Variants in ATP9B observed in about 807,000 individuals in gnomAD.
The protein encoded by ATP9B is probable phospholipid-transporting ATPase IIB.
In ATP9B, 110 loss-of-function variants were observed where a neutral mutation model predicts 146.1. That is an observed-to-expected ratio of 0.75 (90% confidence interval 0.65 to 0.88). ATP9B has a LOEUF of 0.88. ATP9B is among the 40% of genes least tolerant of loss of function. The pLI is 0.00. For missense variants in ATP9B, 1,499 were observed against 1,496.4 expected (o/e 1.00, Z -0.03); for synonymous variants, 604 against 569.7 (o/e 1.06, Z -0.86).
chr18:79,096,702 GTTAGCTTCTAATATACTTA>G, intron 2 of ATP9B, 53 bp downstream of exon 2: 1 of 1,422,568 alleles, frequency 7.0e-7, no homozygotes, highest in Non-Finnish European at 9.6e-7. Context: ...TACTTATAAG[GTTAGCTTCTAATATACTTA>G]TTAGCTATAT....
chr18:79,218,066 T>A (rs2095644288), intron 11 of ATP9B, among the ~76,000 whole-genome samples: 1 of 152,228 alleles, frequency 6.6e-6, no homozygotes, highest in Non-Finnish European at 1.5e-5. Context: ...CATGCTCTGA[T>A]AATAAAGTGC....
At chr18:79,088,893 A>G (rs988715489) in intron 1 of ATP9B, among the ~76,000 whole-genome samples, 1 of 152,226 alleles carries the variant, frequency 6.6e-6, no homozygotes, top group Non-Finnish European at 1.5e-5. Flanking sequence ...CGTTACAGAA[A>G]TAAAAAGCTT....
At chr18:79,074,912 GC>G (rs1184970987) in intron 1 of ATP9B, among the ~76,000 whole-genome samples, 1 of 152,178 alleles carries the variant, frequency 6.6e-6, no homozygotes, top group African/African-American at 2.4e-5. Context: ...GTTAAGTGGT[GC>G]TTTTACAAGG....
At chr18:79,154,705 A>T in intron 7 of ATP9B, 150 bp downstream of exon 7, 1 of 470,436 alleles carries the variant, frequency 2.1e-6, no homozygotes, top group Non-Finnish European at 3.7e-6. Context: ...TTTACTTTGA[A>T]TGTAAACACA....
At chr18:79,347,709 T>G (rs1434433497) in intron 23 of ATP9B, 61 bp from the exon 24 acceptor site, 79 of 1,476,822 alleles carry the variant, frequency 5.3e-5, no homozygotes, top group Non-Finnish European at 7.0e-5. Context: ...AAAACTCACT[T>G]TTGGAGTCTG....
chr18:79,170,306 A>T (rs542314764), intron 7 of ATP9B, among the ~76,000 whole-genome samples: 48 of 152,328 alleles, frequency 3.2e-4, no homozygotes, highest in African/African-American at 9.1e-4. Flanking sequence ...GATAAACAGG[A>T]TGGGGAACTC....
intron 13 of ATP9B, among the ~76,000 whole-genome samples, chr18:79,298,552 C>G (rs565074843): frequency 2.0e-5 from 3 of 146,742 alleles, no homozygotes; most frequent in Non-Finnish European, 4.5e-5. Context: ...CAGTTTAATT[C>G]AGTTTCTGTC....
Position 79,365,665 on chromosome 18 carries a change from G to A in ATP9B, c.3012+6203G>A, listed in dbSNP as rs142010504. ...GACAGGGACAGCCCATGCGTGGATG[G>A]AAGGACATCTCCGTGGACGGGGACA... On this transcript the variant is annotated intron_variant, in intron 26 of 29. Coordinates refer to ENST00000426216, the MANE Select transcript of ATP9B (RefSeq NM_198531.5). Among the ~76,000 whole-genome samples, 367 of 151,684 alleles carry A rather than the reference G, an allele frequency of 2.4e-3. 1 individual carries two copies. The highest frequency in any genetic ancestry group is 6.5e-3 in the South Asian group (31 of 4,784).
chr18:79,101,537 T>G (rs1360657204), intron 2 of ATP9B, among the ~76,000 whole-genome samples: 1 of 152,216 alleles, frequency 6.6e-6, no homozygotes, highest in Non-Finnish European at 1.5e-5. Context: ...TTCATTTCTC[T>G]GGAATAAATG....
At chr18:79,224,852 G>A (rs988096611) in intron 11 of ATP9B, among the ~76,000 whole-genome samples, 1 of 152,096 alleles carries the variant, frequency 6.6e-6, no homozygotes, top group East Asian at 1.9e-4. Context: ...TCCTTGGGGG[G>A]TTATGGCTGC....
chr18:79,271,609 G>C (rs1461442810), intron 12 of ATP9B, among the ~76,000 whole-genome samples: 2 of 152,166 alleles, frequency 1.3e-5, no homozygotes, highest in Non-Finnish European at 2.9e-5. Flanking sequence ...TGGTGTATAT[G>C]TGCCACATTT....
At chr18:79,273,543 A>T (rs576719899) in intron 12 of ATP9B, among the ~76,000 whole-genome samples, 2 of 152,370 alleles carry the variant, frequency 1.3e-5, no homozygotes, top group Non-Finnish European at 2.9e-5. Context: ...CCAAAAAATA[A>T]GTCTGACAGA....
At chr18:79,303,863 C>T (rs1051029995) in intron 14 of ATP9B, 147 bp downstream of exon 14, 8 of 539,190 alleles carry the variant, frequency 1.5e-5, no homozygotes, top group South Asian at 1.5e-4. Flanking sequence ...TTCGAATATA[C>T]GAATCAGGAA....
chr18:79,073,352 T>A (rs1217730413), intron 1 of ATP9B, among the ~76,000 whole-genome samples: 1 of 151,954 alleles, frequency 6.6e-6, no homozygotes, highest in Non-Finnish European at 1.5e-5. Context: ...GAGCACTGAG[T>A]GAGCGAGACT....
In ATP9B at chr18:79,345,428, G is replaced by T; in HGVS notation, c.2473G>T (p.Val825Phe). The part of the protein sequence containing the change: ...ALVISGDSLE[V>F]CLKYYEHEFV... ...AAATAACACAGGCTTTGTTTTCCAG[G>T]TTTGTCTAAAGTACTACGAGCATGA... Residue 825 changes from valine (V) to phenylalanine (F), a missense_variant and splice_region_variant, in exon 22 of 30, where the codon GTT becomes TTT. By Grantham distance (50) the Val-to-Phe change is conservative (BLOSUM62 -1). Coordinates refer to ENST00000426216, the MANE Select transcript of ATP9B (RefSeq NM_198531.5). The T allele has an allele frequency of 1.2e-6, 2 of 1,613,480 alleles. No homozygotes were observed. The highest frequency in any genetic ancestry group is 1.7e-6 in the Non-Finnish European group (2 of 1,179,696).
At chr18:79,338,057 C>T (rs1005720609) in intron 19 of ATP9B, among the ~76,000 whole-genome samples, 3 of 152,212 alleles carry the variant, frequency 2.0e-5, no homozygotes, top group Non-Finnish European at 2.9e-5. Context: ...GCTTCATTCT[C>T]GGTTAAATTG....
In ATP9B at chr18:79,328,093, G is replaced by C. The variant is rs1246452554; in HGVS notation, c.1774-1048G>C. Among the ~76,000 whole-genome samples the C allele has an allele frequency of 1.0e-4, 15 of 150,338 alleles. 1 individual carries two copies. In the South Asian group the frequency reaches 2.3e-3, roughly 23 times the overall value. On this transcript the variant is annotated intron_variant, in intron 15 of 29. Transcript: ENST00000426216. ...CTCCGTGGTTAGCGTGCTCTCTGTG[G>C]TTAGCGTGCTCTCTGTGGTTAGCGT...
chr18:79,094,438 C>G (rs923097081), intron 1 of ATP9B, among the ~76,000 whole-genome samples: 1 of 152,096 alleles, frequency 6.6e-6, no homozygotes, highest in Non-Finnish European at 1.5e-5. Flanking sequence ...TTGTGAAGGT[C>G]CACCTGACTG....
At chr18:79,172,574 CGTGCGCCG>C in intron 7 of ATP9B, among the ~76,000 whole-genome samples, 1 of 136,672 alleles carries the variant, frequency 7.3e-6, no homozygotes, top group South Asian at 2.5e-4. Context: ...GCGTAGCCAC[CGTGCGCCG>C]ACCTTGCGAT....
Sources: gnomAD v4.1 joint callset for allele counts (sites outside exome capture counted in the v4.1 genomes callset) on GRCh38, gnomAD v4.1.1 for gene constraint, MANE v1.5 for transcripts, NCBI Gene and HGNC (gene_info 2026-07-23, HGNC 2026-07-21) for gene names.